PHACTR2: variants seen among roughly 807,000 people sequenced by gnomAD.
PHACTR2 encodes phosphatase and actin regulator 2, also known as chromosome 6 open reading frame 56.
Under a neutral mutation model 76.0 loss-of-function variants are expected in PHACTR2, and 30 were observed. The ratio of observed to expected loss-of-function variants is 0.39; its 90% CI spans 0.30 to 0.54. The LOEUF is 0.54. Ranked by LOEUF, PHACTR2 falls within the 20% of genes least tolerant of loss-of-function variation. PHACTR2 has a pLI of 0.61. For synonymous variants in PHACTR2, 292 were observed against 292.5 expected (o/e 1.00, Z 0.02); for missense variants, 696 against 781.1 (o/e 0.89, Z 1.30).
rs148958470 is a variant in PHACTR2, at chr6:143,591,219, A to C, written c.217+54012A>C. On this transcript the variant is annotated intron_variant, in intron 1 of 11. Transcript: ENST00000367584. The surrounding 1 kb of genome is among the most constrained non-coding windows in gnomAD (Gnocchi z 6.4). The stretch of plus-strand genomic sequence containing the variant: ...GCTGAAGGCAGAGAACAATGAAGTC[A>C]GCTCCTGACTTTTGAATTTCAAAAG... 4.9e-3 allele frequency among the ~76,000 whole-genome samples: 740 copies of C among 152,308 alleles called. 6 individuals are homozygous for C. Among genetic ancestry groups the C allele is most frequent in the African/African-American group, 0.017 (706 of 41,558 alleles).
chr6:143,778,716 T>C (rs557217874), intron 9 of PHACTR2, among the ~76,000 whole-genome samples: 2 of 152,350 alleles, frequency 1.3e-5, no homozygotes, highest in East Asian at 3.9e-4. Flanking sequence ...GTTTTAAGCA[T>C]GCTCAAATGC....
intron 1 of PHACTR2, among the ~76,000 whole-genome samples, chr6:143,666,098 A>G (rs1777029247): frequency 6.6e-6 from 1 of 150,966 alleles, no homozygotes; most frequent in Admixed American, 6.6e-5. Flanking sequence ...TCATTGTTCA[A>G]CTCCCACTTA....
chr6:143,603,426 A>AG (rs1217146982), upstream of PHACTR2, among the ~76,000 whole-genome samples: 1 of 151,776 alleles, frequency 6.6e-6, no homozygotes, highest in Admixed American at 6.6e-5. Flanking sequence ...AAAAAAAAAA[A>AG]GAGGTATCAG....
intron 1 of PHACTR2, among the ~76,000 whole-genome samples, chr6:143,567,563 G>A (rs922109016): frequency 1.3e-5 from 2 of 152,128 alleles, no homozygotes; most frequent in South Asian, 4.1e-4. Flanking sequence ...CGCGCCTGGT[G>A]AATTTTTGTA....
At position 143,549,438 on chromosome 6, in the gene PHACTR2, A is replaced by G. The variant is rs1396857844; in HGVS notation, c.217+12231A>G. Reference sequence around the variant, plus strand: ...TGCATGAGGTCACATGTGATTATCCAGATCTGGATTTATTGTTTTTTTATG... The same window carrying G: ...TGCATGAGGTCACATGTGATTATCCGGATCTGGATTTATTGTTTTTTTATG... On this transcript the variant is annotated intron_variant, in intron 1 of 11. Transcript: ENST00000367584. This position sits in a 1 kb window ranked among gnomAD's most constrained non-coding sequence, Gnocchi z 4.2. 6.6e-6 allele frequency among the ~76,000 whole-genome samples: 1 copy of G among 151,984 alleles called. No homozygotes were observed. The highest frequency in any genetic ancestry group is 1.5e-5 in the Non-Finnish European group (1 of 67,960).
At chr6:143,564,184 TGTGTGTGTGTGC>T (rs1299833836) in intron 1 of PHACTR2, among the ~76,000 whole-genome samples, 7 of 44,954 alleles carry the variant, frequency 1.6e-4, no homozygotes, top group African/African-American at 2.6e-4. Flanking sequence ...TGTGTGTGTA[TGTGTGTGTGTGC>T]ATATATATAT....
upstream of PHACTR2, among the ~76,000 whole-genome samples, chr6:143,674,939 A>G (rs1227885234): frequency 1.3e-5 from 2 of 152,196 alleles, no homozygotes; most frequent in Non-Finnish European, 2.9e-5. This position sits in a 1 kb window ranked among gnomAD's most constrained non-coding sequence, Gnocchi z 4.9. Flanking sequence ...CAGATTGCCA[A>G]TGTTTAGGCT....
intron 6 of PHACTR2, among the ~76,000 whole-genome samples, chr6:143,768,507 C>G (rs922656232): frequency 6.6e-5 from 10 of 152,158 alleles, no homozygotes; most frequent in African/African-American, 2.4e-4. Flanking sequence ...TAAGGTGCAA[C>G]ATGTAAAGTG....
At position 143,772,580 on chromosome 6, in the gene PHACTR2, T is replaced by C. The variant is rs1053377004; in HGVS notation, c.1432+123T>C. The C allele has an allele frequency of 1.4e-6, 1 of 705,744 alleles. No individual in the cohort carries two copies. Among genetic ancestry groups the C allele is most frequent in the African/African-American group, 1.8e-5 (1 of 55,658 alleles). The allele number at this position is 705,744 out of a possible 1,614,324, so 43.7% of individuals were successfully genotyped here. ...GATGTTTTCTTTCCCCTCATCCTCC[T>C]TTCTCAAATTAGAAATGTGTATATC... On this transcript the variant is annotated intron_variant, in intron 7 of 12. Transcript: ENST00000440869. The surrounding 1 kb of genome is among the most constrained non-coding windows in gnomAD (Gnocchi z 5.4).
chr6:143,814,656 G>A (rs948528992), intron 12 of PHACTR2, among the ~76,000 whole-genome samples: 5 of 139,928 alleles, frequency 3.6e-5, no homozygotes, highest in African/African-American at 1.3e-4. Context: ...AGGCTGGAGT[G>A]CAGTGGCGCC....
rs1778672575 is a variant in PHACTR2, at chr6:143,730,321, C to T, written c.214+18138C>T. Among the ~76,000 whole-genome samples, 1 of 151,982 alleles carries T rather than the reference C, an allele frequency of 6.6e-6. No individual in the cohort carries two copies. The highest frequency in any genetic ancestry group is 2.1e-4 in the South Asian group (1 of 4,826). ...CTTTCTAATTTATGAACTGGTATGC[C>T]TCTCCATTTGATTAGCTTTTCCATT... is the stretch of plus-strand genomic sequence containing the variant. On this transcript the variant is annotated intron_variant, in intron 2 of 12. Coordinates refer to ENST00000440869, the MANE Select transcript of PHACTR2 (RefSeq NM_001100164.2). The surrounding 1 kb of genome is among the most constrained non-coding windows in gnomAD (Gnocchi z 4.8).
rs1238399936 is a variant in PHACTR2 at position 143,801,740 on chromosome 6, G to T, written c.1846-5317G>T. On this transcript the variant is annotated intron_variant, in intron 11 of 12. Transcript: ENST00000440869. This position sits in a 1 kb window ranked among gnomAD's most constrained non-coding sequence, Gnocchi z 4.6. ...ATTCTCCGTCCAGTTTTGTTCCCTT[G>T]CTGGCGAGGAGTTGTGATCCTTTGG... 2.0e-5 allele frequency among the ~76,000 whole-genome samples: 3 copies of T among 152,086 alleles called. No individual in the cohort carries two copies. The highest frequency in any genetic ancestry group is 2.1e-4 in the South Asian group (1 of 4,832).
chr6:143,598,093 C>A lies in PHACTR2; in HGVS notation c.217+60886C>A, dbSNP rs1231968943. Among the ~76,000 whole-genome samples, 2 of 151,836 alleles carry A rather than the reference C, an allele frequency of 1.3e-5. No individual in the cohort carries two copies. Among genetic ancestry groups the A allele is most frequent in the Non-Finnish European group, 2.9e-5 (2 of 67,968 alleles). ...AGTAGGTCGAAGAATGCCCCCCGCGCCCCCAAAAAAGAACCATATCTTAAC... is the reference window on the plus strand; with the variant it reads ...AGTAGGTCGAAGAATGCCCCCCGCGACCCCAAAAAAGAACCATATCTTAAC... On this transcript the variant is annotated intron_variant, in intron 1 of 11. Coordinates refer to the PHACTR2 transcript ENST00000367584. The surrounding 1 kb of genome is among the most constrained non-coding windows in gnomAD (Gnocchi z 4.1).
Position 143,771,220 on chromosome 6 carries a change from A to G in PHACTR2, c.1233-1038A>G, listed in dbSNP as rs868315804. Among the ~76,000 whole-genome samples the G allele has an allele frequency of 3.2e-3, 329 of 101,492 alleles. 6 individuals carry two copies. The highest frequency in any genetic ancestry group is 0.014 in the African/African-American group (309 of 22,874). 66.6% of individuals were successfully genotyped at this position (101,492 alleles called of 152,430 possible). A position where few individuals can be genotyped will look rare whatever the true frequency, so the allele number is the denominator to read the frequency against. On this transcript the variant is annotated intron_variant, in intron 6 of 12. Coordinates refer to ENST00000440869, the MANE Select transcript of PHACTR2 (RefSeq NM_001100164.2). ...TATATATATATATATATATATATAT[A>G]TATATATATATATATGCTTTTTTTT...
chr6:143,815,293 C>T (rs1275049524), intron 12 of PHACTR2, among the ~76,000 whole-genome samples: 1 of 152,184 alleles, frequency 6.6e-6, no homozygotes, highest in African/African-American at 2.4e-5. Context: ...AAGAGAGCCT[C>T]TTCCTTTGTT....
Position 143,553,343 on chromosome 6 carries a change from A to G in PHACTR2, c.217+16136A>G, listed in dbSNP as rs1775119191. On this transcript the variant is annotated intron_variant, in intron 1 of 11. Coordinates refer to the PHACTR2 transcript ENST00000367584. This position sits in a 1 kb window ranked among gnomAD's most constrained non-coding sequence, Gnocchi z 4.2. ...TGTACAGAAGTGACTGTGCATTTTAAAGAGAGAATGAAGGAGTATAGAGGG... is the reference window on the plus strand; with the variant it reads ...TGTACAGAAGTGACTGTGCATTTTAGAGAGAGAATGAAGGAGTATAGAGGG... 6.6e-6 allele frequency among the ~76,000 whole-genome samples: 1 copy of G among 152,254 alleles called. No homozygotes were observed. The highest frequency in any genetic ancestry group is 2.1e-4 in the South Asian group (1 of 4,836).
At position 143,731,309 on chromosome 6, in the gene PHACTR2, C is replaced by T. The variant is rs370023034; in HGVS notation, c.215-17676C>T. Among the ~76,000 whole-genome samples the T allele has an allele frequency of 4.2e-5, 6 of 142,770 alleles. No individual in the cohort carries two copies. Among genetic ancestry groups the T allele is most frequent in the Admixed American group, 7.0e-5 (1 of 14,234 alleles). The allele number at this position is 142,770 out of a possible 152,430, so 93.7% of individuals were successfully genotyped here. A position where few individuals can be genotyped will look rare whatever the true frequency, so the allele number is the denominator to read the frequency against. Reference sequence around the variant, plus strand: ...TTTTGTTTTGTTTTGTTTTTTGAGACGGAGTTTCGCTCTTGTTGCCCAGGC... The same window carrying T: ...TTTTGTTTTGTTTTGTTTTTTGAGATGGAGTTTCGCTCTTGTTGCCCAGGC... On this transcript the variant is annotated intron_variant, in intron 2 of 12. Coordinates refer to ENST00000440869, the MANE Select transcript of PHACTR2 (RefSeq NM_001100164.2). This position sits in a 1 kb window ranked among gnomAD's most constrained non-coding sequence, Gnocchi z 4.9.
rs577595752 is a variant in PHACTR2 at position 143,550,497 on chromosome 6, G to A, written c.217+13290G>A. Reference sequence around the variant, plus strand: ...ATTATCTATATAGTAAATAATGGGCGGAGGGTGTCATGCTTTTTCATGAAG... The same window carrying A: ...ATTATCTATATAGTAAATAATGGGCAGAGGGTGTCATGCTTTTTCATGAAG... On this transcript the variant is annotated intron_variant, in intron 1 of 11. Coordinates refer to the PHACTR2 transcript ENST00000367584. This position sits in a 1 kb window ranked among gnomAD's most constrained non-coding sequence, Gnocchi z 4.8. 1.6e-4 allele frequency among the ~76,000 whole-genome samples: 24 copies of A among 152,084 alleles called. No individual in the cohort carries two copies. Among genetic ancestry groups the A allele is most frequent in the South Asian group, 8.3e-4 (4 of 4,808 alleles).
intron 1 of PHACTR2, among the ~76,000 whole-genome samples, chr6:143,686,478 A>ATTTTTT (rs1582770831): frequency 9.0e-6 from 1 of 110,800 alleles, no homozygotes; most frequent in African/African-American, 3.5e-5. Context: ...GAGGAACTTC[A>ATTTTTT]TTCTTTTTTT....
Sources: allele counts gnomAD v4.1 joint callset (sites outside exome capture counted in the v4.1 genomes callset), GRCh38; gene constraint gnomAD v4.1.1; non-coding constraint Gnocchi (gnomAD v3.1); transcripts MANE v1.5; gene names NCBI Gene and HGNC (gene_info 2026-07-23, HGNC 2026-07-21).